The following PVT1 variants were observed in gnomAD, a reference collection of about 807,000 sequenced individuals.
The protein encoded by PVT1 is CXCR4/PVT1 fusion.
At chr8:128,008,814 C>A in intron 4 of PVT1, 1 of 438,104 alleles carries the variant, frequency 2.3e-6, no homozygotes, top group Non-Finnish European at 5.1e-6. Flanking sequence ...TGAAGGGGCT[C>A]CCTGCAGGTT....
intron 2 of PVT1, among the ~76,000 whole-genome samples, chr8:127,834,355 C>T (rs925284107): frequency 6.6e-6 from 1 of 151,984 alleles, no homozygotes; most frequent in African/African-American, 2.4e-5. Flanking sequence ...GTCAGGAAAA[C>T]CGGCTAGCCA....
At chr8:127,802,869 C>G (rs566537088) in intron 2 of PVT1, among the ~76,000 whole-genome samples, 1 of 152,142 alleles carries the variant, frequency 6.6e-6, no homozygotes, top group South Asian at 2.1e-4. Flanking sequence ...GCCAACCAGG[C>G]CTGCTGTAGC....
intron 3 of PVT1, among the ~76,000 whole-genome samples, chr8:127,923,544 A>G (rs1816090797): frequency 1.3e-5 from 2 of 152,138 alleles, no homozygotes; most frequent in African/African-American, 2.4e-5. Context: ...CCCGCTTCTG[A>G]GCAGGATCTT....
Position 127,989,668 on chromosome 8 carries a change from T to C in PVT1, n.912+377T>C, listed in dbSNP as rs574533692. Among the ~76,000 whole-genome samples the C allele has an allele frequency of 7.9e-5, 12 of 152,212 alleles. No homozygotes were observed. In the South Asian group the frequency reaches 1.9e-3, roughly 24 times the overall value. The stretch of plus-strand genomic sequence containing the variant: ...GTTATATAATCAGATTGAAACACCT[T>C]TGGGACATCCAGAACATGAGCTCTT... On this transcript the variant is annotated intron_variant and non_coding_transcript_variant, in intron 4 of 10. Transcript: ENST00000651587.
chr8:127,831,133 A>ATC (rs1406608531), intron 2 of PVT1, among the ~76,000 whole-genome samples: 2 of 123,946 alleles, frequency 1.6e-5, no homozygotes, highest in South Asian at 2.9e-4. Context: ...ATCTATATCT[A>ATC]TATCTATCTC....
chr8:127,884,331 C>G (rs759526942), intron 2 of PVT1, among the ~76,000 whole-genome samples: 1 of 152,168 alleles, frequency 6.6e-6, no homozygotes, highest in Non-Finnish European at 1.5e-5. Flanking sequence ...TCTCACTGGT[C>G]GCTAGATTGT....
intron 3 of PVT1, among the ~76,000 whole-genome samples, chr8:127,983,231 C>G (rs910585743): frequency 6.6e-6 from 1 of 152,196 alleles, no homozygotes; most frequent in African/African-American, 2.4e-5. Context: ...GCCCTGCCAG[C>G]CTGGCCATGG....
chr8:127,988,547 A>G (rs1050507045), intron 3 of PVT1, among the ~76,000 whole-genome samples: 8 of 152,218 alleles, frequency 5.3e-5, no homozygotes, highest in Non-Finnish European at 8.8e-5. Context: ...TCATCTAGCC[A>G]TCTTGATGAT....
At chr8:128,047,953 A>G (rs922264611) in intron 4 of PVT1, among the ~76,000 whole-genome samples, 6 of 152,222 alleles carry the variant, frequency 3.9e-5, no homozygotes, top group Non-Finnish European at 5.9e-5. Flanking sequence ...TTGAAGCTAT[A>G]TTAACTACCA....
chr8:128,003,756 T>G (rs1378139371), intron 4 of PVT1, among the ~76,000 whole-genome samples: 1 of 152,250 alleles, frequency 6.6e-6, no homozygotes, highest in Non-Finnish European at 1.5e-5. Context: ...GGGACTATTC[T>G]CCAACATGAC....
chr8:128,003,418 C>G (rs187196175), intron 4 of PVT1, among the ~76,000 whole-genome samples: 122 of 151,824 alleles, frequency 8.0e-4, no homozygotes, highest in African/African-American at 2.5e-3. Flanking sequence ...GGATCATGGC[C>G]CACTGTAGCC....
At chr8:127,959,370 A>G (rs1208551455) in intron 3 of PVT1, among the ~76,000 whole-genome samples, 1 of 152,150 alleles carries the variant, frequency 6.6e-6, no homozygotes, top group African/African-American at 2.4e-5. Flanking sequence ...GCGGATTACG[A>G]GGTCAAGAGA....
At chr8:127,839,039 ACCATATAGTCCAGATGTG>A (rs373454256) in intron 2 of PVT1, among the ~76,000 whole-genome samples, 94 of 152,346 alleles carry the variant, frequency 6.2e-4, no homozygotes, top group African/African-American at 2.0e-3. Flanking sequence ...AGTAGGCTGT[ACCATATAGTCCAGATGTG>A]TAGTGAGTAG....
intron 3 of PVT1, among the ~76,000 whole-genome samples, chr8:127,988,029 A>G (rs1322073540): frequency 1.3e-5 from 2 of 152,236 alleles, no homozygotes; most frequent in Non-Finnish European, 2.9e-5. Context: ...TGAGGCTTGC[A>G]GAACCACTGC....
At chr8:127,893,048 G>T (rs1347179706) in intron 3 of PVT1, among the ~76,000 whole-genome samples, 1 of 152,118 alleles carries the variant, frequency 6.6e-6, no homozygotes, top group East Asian at 1.9e-4. Flanking sequence ...ACTCTTCACA[G>T]TAGGGCCAGA....
At chr8:127,972,525 G>A (rs1181993886) in intron 3 of PVT1, among the ~76,000 whole-genome samples, 1 of 152,064 alleles carries the variant, frequency 6.6e-6, no homozygotes, top group African/African-American at 2.4e-5. Flanking sequence ...GGATCACAAG[G>A]TCAGGAGTTC....
At chr8:127,867,553 C>T (rs1324543355) in intron 2 of PVT1, among the ~76,000 whole-genome samples, 2 of 152,194 alleles carry the variant, frequency 1.3e-5, no homozygotes, top group Admixed American at 6.5e-5. Flanking sequence ...CCCTGCTTTT[C>T]GATCCTCACT....
chr8:127,912,989 C>G (rs1329656725), intron 3 of PVT1, among the ~76,000 whole-genome samples: 3 of 152,174 alleles, frequency 2.0e-5, no homozygotes, highest in Non-Finnish European at 4.4e-5. Context: ...TGAGCCACGC[C>G]CACCCACCCC....
chr8:127,911,177 A>G (rs566245337), intron 3 of PVT1, among the ~76,000 whole-genome samples: 48 of 152,262 alleles, frequency 3.2e-4, no homozygotes, highest in African/African-American at 1.1e-3. Flanking sequence ...GACTCCCAGA[A>G]TAGTGACCTC....
Sources: allele counts gnomAD v4.1 joint callset (sites outside exome capture counted in the v4.1 genomes callset), GRCh38; gene constraint gnomAD v4.1.1; transcripts MANE v1.5; gene names NCBI Gene and HGNC (gene_info 2026-07-23, HGNC 2026-07-21).